HTR7: variants seen among roughly 807,000 people sequenced by gnomAD.
The protein encoded by HTR7 is 5-hydroxytryptamine receptor 7.
HTR7 carries 16 observed loss-of-function variants against 34.0 expected under a neutral mutation model. That is an observed-to-expected ratio of 0.47 (90% CI 0.32 to 0.71). HTR7 has a LOEUF of 0.71. HTR7 is among the 30% of genes least tolerant of loss of function. HTR7 has a pLI of 0.04. For missense variants in HTR7, 504 were observed against 625.5 expected, an observed-to-expected ratio of 0.81 and a Z score of 2.07; for synonymous variants, 265 against 260.2, an observed-to-expected ratio of 1.02 and a Z score of -0.18.
At chr10:90,748,459 A>AT in intron 2 of HTR7, among the ~76,000 whole-genome samples, 1 of 152,350 alleles carries the variant, frequency 6.6e-6, no homozygotes, top group East Asian at 1.9e-4. Context: ...GTGAAGGATG[A>AT]GGTTATCAAA....
intron 1 of HTR7, among the ~76,000 whole-genome samples, chr10:90,777,685 G>C (rs568286275): frequency 6.6e-6 from 1 of 152,130 alleles, no homozygotes; most frequent in African/African-American, 2.4e-5. Context: ...ATCATAGCAC[G>C]AAGAGAGGCT....
chr10:90,762,763 G>A (rs1218432103), intron 1 of HTR7, among the ~76,000 whole-genome samples: 1 of 148,526 alleles, frequency 6.7e-6, no homozygotes, highest in Non-Finnish European at 1.5e-5. Context: ...GTTTTATGGT[G>A]TCAGATACTA....
chr10:90,752,724 T>A (rs1001888771), intron 1 of HTR7, among the ~76,000 whole-genome samples: 1 of 152,122 alleles, frequency 6.6e-6, no homozygotes, highest in Non-Finnish European at 1.5e-5. Flanking sequence ...GGGAATTCAA[T>A]ATAAAAGGAG....
intron 1 of HTR7, among the ~76,000 whole-genome samples, chr10:90,797,624 C>A (rs1290829667): frequency 4.6e-5 from 7 of 152,172 alleles, no homozygotes; most frequent in Non-Finnish European, 1.5e-5. Flanking sequence ...GATGCTAATT[C>A]TCTGAAAAGA....
At chr10:90,773,522 A>G (rs895456035) in intron 1 of HTR7, among the ~76,000 whole-genome samples, 7 of 152,134 alleles carry the variant, frequency 4.6e-5, no homozygotes, top group African/African-American at 1.4e-4. Context: ...TCTATTGACT[A>G]TACTCACCCT....
chr10:90,773,414 A>G (rs943244951), intron 1 of HTR7, among the ~76,000 whole-genome samples: 2 of 152,160 alleles, frequency 1.3e-5, no homozygotes, highest in Non-Finnish European at 2.9e-5. Context: ...TAATCACATC[A>G]TGGACAATGA....
At chr10:90,830,712 C>G (rs1001786627) in intron 1 of HTR7, among the ~76,000 whole-genome samples, 3 of 148,730 alleles carry the variant, frequency 2.0e-5, no homozygotes, top group African/African-American at 7.5e-5. Flanking sequence ...CGCTTAAGCC[C>G]GGGAGATGGA....
At position 90,759,040 on chromosome 10, in the gene HTR7, AGCTGGGCGTGGTG is replaced by A. The variant is rs562464019; in HGVS notation, c.540-9459_540-9447del. On this transcript the variant is annotated intron_variant, in intron 1 of 3. Transcript: ENST00000336152. ...CTGTCTCTACTAAAAATACAAAATT[AGCTGGGCGTGGTG>A]GCACATGCCTGTCATCCCAGCTACT... Among the ~76,000 whole-genome samples the A allele has an allele frequency of 4.6e-5, 7 of 151,478 alleles. No individual in the cohort carries two copies. In the South Asian group the frequency reaches 1.0e-3, roughly 23 times the overall value.
At chr10:90,753,791 G>A (rs997643627) in intron 1 of HTR7, among the ~76,000 whole-genome samples, 1 of 151,928 alleles carries the variant, frequency 6.6e-6, no homozygotes, top group African/African-American at 2.4e-5. Flanking sequence ...GATGATGTAC[G>A]TCTGTATTTA....
rs150800186 is a variant in HTR7 at position 90,789,639 on chromosome 10, A to G, written c.540-40045T>C. Among the ~76,000 whole-genome samples, 23 of 152,338 alleles carry G rather than the reference A, an allele frequency of 1.5e-4. 1 individual carries two copies. In the East Asian group the frequency reaches 4.4e-3, roughly 29 times the overall value. On this transcript the variant is annotated intron_variant, in intron 1 of 3. Coordinates refer to ENST00000336152, the MANE Select transcript of HTR7 (RefSeq NM_019859.4). ...GTTCTATGAAAATGATAAACAAAAC[A>G]GAAAGATCAGCCTTTCGTGATTGCA...
intron 1 of HTR7, among the ~76,000 whole-genome samples, chr10:90,806,395 G>A (rs1003181454): frequency 1.3e-5 from 2 of 152,034 alleles, no homozygotes; most frequent in African/African-American, 2.4e-5. Context: ...TCAGGAGATC[G>A]AGACCGTCCT....
intron 1 of HTR7, among the ~76,000 whole-genome samples, chr10:90,844,764 A>AC (rs1846387807): frequency 1.5e-5 from 2 of 136,754 alleles, no homozygotes; most frequent in Non-Finnish European, 3.2e-5. Context: ...AAAAAAAAAA[A>AC]GATCAGTCTG....
chr10:90,848,991 T>C (rs909808140), intron 1 of HTR7, among the ~76,000 whole-genome samples: 2 of 152,244 alleles, frequency 1.3e-5, no homozygotes, highest in African/African-American at 4.8e-5. Flanking sequence ...CAGGTAGTTC[T>C]GATGCACATT....
intron 1 of HTR7, among the ~76,000 whole-genome samples, chr10:90,791,305 C>T (rs1009144699): frequency 2.0e-5 from 3 of 151,720 alleles, no homozygotes; most frequent in Non-Finnish European, 4.4e-5. Flanking sequence ...TGTATGTACA[C>T]ATAAATAATG....
At chr10:90,816,041 G>GT (rs2119988824) in intron 1 of HTR7, among the ~76,000 whole-genome samples, 1 of 152,292 alleles carries the variant, frequency 6.6e-6, no homozygotes, top group South Asian at 2.1e-4. Context: ...AAATGGAAAT[G>GT]GTTTATATAG....
intron 1 of HTR7, among the ~76,000 whole-genome samples, chr10:90,768,184 T>A (rs1357909786): frequency 1.3e-5 from 2 of 152,070 alleles, no homozygotes; most frequent in African/African-American, 4.8e-5. Flanking sequence ...CTCCTCAATA[T>A]CTCTAAAACC....
intron 1 of HTR7, among the ~76,000 whole-genome samples, chr10:90,776,587 C>T (rs540019282): frequency 1.3e-5 from 2 of 152,226 alleles, no homozygotes; most frequent in Admixed American, 6.5e-5. Context: ...AAACTTCATA[C>T]CTCACATGTC....
intron 1 of HTR7, among the ~76,000 whole-genome samples, chr10:90,842,979 C>T (rs1230534627): frequency 2.0e-5 from 3 of 152,196 alleles, no homozygotes; most frequent in African/African-American, 7.2e-5. Context: ...ATCTCCTGAT[C>T]CTAACTTGGT....
At chr10:90,769,963 G>T (rs568334680) in intron 1 of HTR7, among the ~76,000 whole-genome samples, 84 of 152,372 alleles carry the variant, frequency 5.5e-4, no homozygotes, top group African/African-American at 1.9e-3. Flanking sequence ...GGTGCGAGTG[G>T]TGGCAGCAGG....
Sources: allele counts gnomAD v4.1 joint callset (sites outside exome capture counted in the v4.1 genomes callset), GRCh38; gene constraint gnomAD v4.1.1; transcripts MANE v1.5; gene names NCBI Gene and HGNC (gene_info 2026-07-23, HGNC 2026-07-21).